Variants in CACNA2D3 observed in about 807,000 individuals in gnomAD.
The protein encoded by CACNA2D3 is voltage-dependent calcium channel subunit alpha-2/delta-3.
CACNA2D3 carries 60 observed loss-of-function variants against 160.6 expected under a neutral mutation model. The ratio of observed to expected loss-of-function variants is 0.37; its 90% CI spans 0.30 to 0.46. The LOEUF (loss-of-function observed/expected upper bound fraction) is 0.46, where lower values mean the gene tolerates loss of function less well. Among genes scored for constraint, CACNA2D3 ranks in the 20% least tolerant of loss-of-function variants. The pLI, the probability that CACNA2D3 is intolerant of heterozygous loss-of-function variation, is 1.00. For missense variants in CACNA2D3, 1,205 were observed against 1,365.0 expected (o/e 0.88, Z 1.85); for synonymous variants, 558 against 492.9 (o/e 1.13, Z -1.75).
intron 2 of CACNA2D3, among the ~76,000 whole-genome samples, chr3:54,195,194 G>A (rs897516099): frequency 3.3e-5 from 5 of 151,456 alleles, no homozygotes; most frequent in African/African-American, 9.7e-5. Flanking sequence ...GGAATCAGCC[G>A]TCTGGCCGTT....
chr3:54,693,281 A>G (rs1700601336), intron 11 of CACNA2D3, among the ~76,000 whole-genome samples: 1 of 152,192 alleles, frequency 6.6e-6, no homozygotes, highest in Non-Finnish European at 1.5e-5. Context: ...TCCAATCAAC[A>G]ATGAACCGCA....
At chr3:54,493,983 T>C (rs141565659) in intron 4 of CACNA2D3, among the ~76,000 whole-genome samples, 144 of 152,338 alleles carry the variant, frequency 9.5e-4, no homozygotes, top group African/African-American at 3.2e-3. Flanking sequence ...ATTGAACCAC[T>C]TCCTGAGCCT....
At chr3:55,046,175 T>C (rs1374776745) in intron 35 of CACNA2D3, among the ~76,000 whole-genome samples, 1 of 149,612 alleles carries the variant, frequency 6.7e-6, no homozygotes, top group African/African-American at 2.5e-5. Flanking sequence ...TATGTATACA[T>C]GTGCCATGCT....
chr3:54,589,261 A>G (rs1408454454), intron 9 of CACNA2D3, among the ~76,000 whole-genome samples: 4 of 152,250 alleles, frequency 2.6e-5, no homozygotes, highest in African/African-American at 4.8e-5. Context: ...TGCAGAAACA[A>G]TTCGATGGAG....
At chr3:54,336,004 CAAAAAAA>C (rs60465412) in intron 3 of CACNA2D3, among the ~76,000 whole-genome samples, 1 of 74,550 alleles carries the variant, frequency 1.3e-5, no homozygotes, top group Non-Finnish European at 2.4e-5. Flanking sequence ...GACTCCGTCT[CAAAAAAA>C]AAAAAAAAAA....
chr3:55,032,813 G>A (rs1053076550), intron 35 of CACNA2D3, among the ~76,000 whole-genome samples: 1 of 152,062 alleles, frequency 6.6e-6, no homozygotes. Context: ...ATTGTAGACA[G>A]GAACATGTCA....
intron 11 of CACNA2D3, among the ~76,000 whole-genome samples, chr3:54,731,447 G>A (rs1701384382): frequency 1.3e-5 from 2 of 152,140 alleles, no homozygotes; most frequent in Admixed American, 6.5e-5. Context: ...ATGACCACTT[G>A]TGTACATTTA....
At chr3:54,374,616 G>T (rs1698978165) in intron 3 of CACNA2D3, among the ~76,000 whole-genome samples, 1 of 152,172 alleles carries the variant, frequency 6.6e-6, no homozygotes, top group Non-Finnish European at 1.5e-5. Flanking sequence ...TTCCTCCTGA[G>T]CTCAGCTCCT....
chr3:55,063,196 C>G (rs1704554141), intron 35 of CACNA2D3, among the ~76,000 whole-genome samples: 1 of 152,190 alleles, frequency 6.6e-6, no homozygotes, highest in South Asian at 2.1e-4. Flanking sequence ...GTCCCCGAAC[C>G]AGCAGCATCA....
chr3:54,581,270 G>A (rs369274267), intron 8 of CACNA2D3, among the ~76,000 whole-genome samples: 9 of 152,162 alleles, frequency 5.9e-5, no homozygotes, highest in Admixed American at 1.3e-4. Context: ...TGGGAGTGCC[G>A]GTGTTGGCAA....
intron 11 of CACNA2D3, among the ~76,000 whole-genome samples, chr3:54,751,689 G>C (rs1320593943): frequency 2.0e-5 from 3 of 152,138 alleles, no homozygotes; most frequent in African/African-American, 7.2e-5. Flanking sequence ...AGAGGAGCTG[G>C]AAGGACATCA....
intron 4 of CACNA2D3, among the ~76,000 whole-genome samples, chr3:54,429,112 C>T (rs535672953): frequency 1.3e-5 from 2 of 152,302 alleles, no homozygotes; most frequent in South Asian, 2.1e-4. Flanking sequence ...AATAAATTCT[C>T]AGTTGGGCAA....
intron 35 of CACNA2D3, among the ~76,000 whole-genome samples, chr3:55,019,626 T>C (rs942943238): frequency 6.6e-6 from 1 of 152,210 alleles, no homozygotes; most frequent in Non-Finnish European, 1.5e-5. Flanking sequence ...TCCAACACAC[T>C]GCTAAATGCT....
chr3:54,913,742 T>A (rs1204179860), intron 27 of CACNA2D3, among the ~76,000 whole-genome samples: 1 of 152,084 alleles, frequency 6.6e-6, no homozygotes, highest in African/African-American at 2.4e-5. Context: ...ACCTGTCAGG[T>A]CCTGAAAAGT....
chr3:54,620,684 A>G (rs1469679086), intron 9 of CACNA2D3, among the ~76,000 whole-genome samples: 2 of 152,100 alleles, frequency 1.3e-5, no homozygotes, highest in Non-Finnish European at 2.9e-5. Context: ...ACACGAACCT[A>G]AGTCTCTGCA....
At chr3:54,555,420 T>C (rs1291694645) in intron 5 of CACNA2D3, among the ~76,000 whole-genome samples, 2 of 151,856 alleles carry the variant, frequency 1.3e-5, no homozygotes, top group African/African-American at 4.8e-5. Flanking sequence ...TGTATAGGAG[T>C]GTGCAGAGAG....
intron 27 of CACNA2D3, among the ~76,000 whole-genome samples, chr3:54,903,098 G>A (rs1700375665): frequency 6.6e-6 from 1 of 152,084 alleles, no homozygotes; most frequent in African/African-American, 2.4e-5. Context: ...GTGCACGTTT[G>A]TTACATAGGT....
chr3:55,000,646 TA>T lies in CACNA2D3; in HGVS notation c.2691-4114del, dbSNP rs1393335596. 4.6e-5 allele frequency among the ~76,000 whole-genome samples: 7 copies of T among 152,260 alleles called. 1 individual carries two copies. Among genetic ancestry groups the T allele is most frequent in the Admixed American group, 1.3e-4 (2 of 15,288 alleles). ...AGCAATTTAGTTTAGCCCCAACATGTAAACTAGAGCCTTTGAAAATGATCCA... is the reference window on the plus strand; with the variant it reads ...AGCAATTTAGTTTAGCCCCAACATGTAACTAGAGCCTTTGAAAATGATCCA... On this transcript the variant is annotated intron_variant, in intron 31 of 37. Transcript: ENST00000474759.
Position 54,763,858 on chromosome 3 carries a change from C to CGT in CACNA2D3, c.1247-360_1247-359insGT, listed in dbSNP as rs1559573933. On this transcript the variant is annotated intron_variant, in intron 12 of 37. Coordinates refer to ENST00000474759, the MANE Select transcript of CACNA2D3 (RefSeq NM_018398.3). Reference sequence around the variant, plus strand: ...ATGTATATATATGTACATATATATACATATATATATACGTATATATATGTA... The same window carrying CGT: ...ATGTATATATATGTACATATATATACGTATATATATATACGTATATATATGTA... Among the ~76,000 whole-genome samples the CGT allele has an allele frequency of 1.1e-3, 47 of 43,010 alleles. 11 individuals carry two copies. The highest frequency in any genetic ancestry group is 2.0e-3 in the Admixed American group (8 of 4,000). 28.2% of individuals were successfully genotyped at this position (43,010 alleles called of 152,430 possible).
Sources: gnomAD v4.1 joint callset for allele counts (sites outside exome capture counted in the v4.1 genomes callset) on GRCh38, gnomAD v4.1.1 for gene constraint, MANE v1.5 for transcripts, NCBI Gene and HGNC (gene_info 2026-07-23, HGNC 2026-07-21) for gene names.